SPAG16: variants seen among roughly 807,000 people sequenced by gnomAD.
SPAG16 encodes sperm-associated antigen 16 protein.
A neutral mutation model predicts 80.4 loss-of-function variants in SPAG16; 86 were observed. The observed-to-expected ratio is 1.07, with a 90% CI of 0.90 to 1.28. SPAG16 has a LOEUF of 1.28. SPAG16 is among the 50% of genes most tolerant of loss of function. The pLI, the probability that SPAG16 is intolerant of heterozygous loss-of-function variation, is 0.00. For missense variants in SPAG16, 870 were observed against 765.3 expected (o/e 1.14, Z -1.61); for synonymous variants, 294 against 265.9 (o/e 1.11, Z -1.03).
intron 15 of SPAG16, among the ~76,000 whole-genome samples, chr2:214,318,532 C>A (rs112774153): frequency 6.6e-6 from 1 of 151,910 alleles, no homozygotes; most frequent in African/African-American, 2.4e-5. Context: ...CAGGTGTGCA[C>A]CACCATGCCT....
intron 7 of SPAG16, among the ~76,000 whole-genome samples, chr2:213,353,873 A>G (rs1286275367): frequency 6.6e-6 from 1 of 152,194 alleles, no homozygotes; most frequent in African/African-American, 2.4e-5. Context: ...CCCAATTTAG[A>G]AAATCTTTAT....
intron 10 of SPAG16, among the ~76,000 whole-genome samples, chr2:213,852,135 T>C (rs934572383): frequency 6.6e-5 from 10 of 152,218 alleles, no homozygotes; most frequent in African/African-American, 2.2e-4. Flanking sequence ...TTAATAAATA[T>C]GTTTTAATGA....
intron 12 of SPAG16, among the ~76,000 whole-genome samples, chr2:213,986,389 CTT>C (rs549097294): frequency 1.3e-4 from 20 of 151,918 alleles, no homozygotes; most frequent in African/African-American, 2.4e-4. Context: ...TCAATTCTCT[CTT>C]ATATATTTGT....
At chr2:213,852,882 T>A (rs765930703) in intron 10 of SPAG16, among the ~76,000 whole-genome samples, 1 of 152,306 alleles carries the variant, frequency 6.6e-6, no homozygotes, top group Non-Finnish European at 1.5e-5. Flanking sequence ...AATAAAAAAA[T>A]TCCATGTGAA....
Position 213,862,574 on chromosome 2 carries a change from T to A in SPAG16, c.1160T>A (p.Leu387His). The A allele has an allele frequency of 6.2e-7, 1 of 1,614,182 alleles. No homozygotes were observed. The highest frequency in any genetic ancestry group is 2.2e-5 in the East Asian group (1 of 44,886). ...KVLGLPKCNV[L>H]LTGFGHTDWL... ...TTGGGCCTTCCAAAATGCAATGTGC[T>A]TCTCACGGGATTTGGCCACACTGAC... Residue 387 changes from leucine to histidine, a missense_variant, in exon 11 of 16, where the codon CTT (leucine) becomes CAT (histidine). Physicochemically the swap from Leu to His is moderately conservative, Grantham distance 99. Transcript: ENST00000331683.
intron 15 of SPAG16, among the ~76,000 whole-genome samples, chr2:214,207,301 C>T (rs765852029): frequency 2.6e-5 from 4 of 152,158 alleles, no homozygotes; most frequent in Non-Finnish European, 5.9e-5. Flanking sequence ...GTGGAACTTA[C>T]CAAAGCAGCA....
At chr2:213,668,047 T>C (rs1288649523) in intron 10 of SPAG16, among the ~76,000 whole-genome samples, 2 of 151,966 alleles carry the variant, frequency 1.3e-5, no homozygotes, top group Non-Finnish European at 2.9e-5. Flanking sequence ...TTCGAGCAAT[T>C]CTCCTGCCTC....
rs534503471 is a variant in SPAG16 at position 213,390,191 on chromosome 2, T to C, written c.942+15072T>C. ...GAGGTACTTTGAGTGGTGAAAATTATAAATACAGAAGTAGAATGATGTTTG... is the reference window on the plus strand; with the variant it reads ...GAGGTACTTTGAGTGGTGAAAATTACAAATACAGAAGTAGAATGATGTTTG... On this transcript the variant is annotated intron_variant, in intron 9 of 15. Transcript: ENST00000331683. Among the ~76,000 whole-genome samples, 56 of 152,286 alleles carry C rather than the reference T, an allele frequency of 3.7e-4. 3 individuals are homozygous for C. In the East Asian group the frequency reaches 8.3e-3, roughly 23 times the overall value.
At chr2:213,962,937 G>A (rs898469399) in intron 12 of SPAG16, among the ~76,000 whole-genome samples, 2 of 151,698 alleles carry the variant, frequency 1.3e-5, no homozygotes, top group African/African-American at 4.8e-5. Flanking sequence ...TTTTCCTCTG[G>A]TCAGTGTTAC....
intron 10 of SPAG16, among the ~76,000 whole-genome samples, chr2:213,574,077 G>A (rs969317183): frequency 1.4e-4 from 22 of 152,104 alleles, no homozygotes; most frequent in Non-Finnish European, 2.2e-4. Context: ...ATAACTTTAT[G>A]TTTTGATATG....
intron 10 of SPAG16, among the ~76,000 whole-genome samples, chr2:213,737,699 A>G (rs2067354479): frequency 6.6e-6 from 1 of 152,118 alleles, no homozygotes; most frequent in African/African-American, 2.4e-5. Context: ...CGTGTTAGCC[A>G]GGATGGTCTC....
At chr2:213,686,304 A>C (rs2064667509) in intron 10 of SPAG16, among the ~76,000 whole-genome samples, 1 of 152,150 alleles carries the variant, frequency 6.6e-6, no homozygotes, top group African/African-American at 2.4e-5. Context: ...TTTTTAGTAG[A>C]GACGGGGTTT....
intron 1 of SPAG16, among the ~76,000 whole-genome samples, chr2:213,294,095 A>G (rs1443707030): frequency 6.6e-6 from 1 of 152,056 alleles, no homozygotes; most frequent in African/African-American, 2.4e-5. Context: ...CCTACCCTCT[A>G]TTCATTGGTA....
intron 8 of SPAG16, among the ~76,000 whole-genome samples, chr2:213,369,355 G>C (rs1354708981): frequency 6.6e-6 from 1 of 152,144 alleles, no homozygotes; most frequent in Non-Finnish European, 1.5e-5. Flanking sequence ...CAGAAGAAAA[G>C]TGACTGATTA....
chr2:214,126,021 TCC>T (rs1559822818), intron 14 of SPAG16, among the ~76,000 whole-genome samples: 9 of 8,374 alleles, frequency 1.1e-3, no homozygotes, highest in Admixed American at 5.6e-3. Flanking sequence ...CTTCCTTCCT[TCC>T]TTCCTTCCTT....
intron 15 of SPAG16, among the ~76,000 whole-genome samples, chr2:214,361,611 G>A (rs1699188806): frequency 6.6e-6 from 1 of 151,860 alleles, no homozygotes. Context: ...TATTTTAGTA[G>A]AGATGGTTGG....
At chr2:214,079,512 G>A (rs755179757) in intron 13 of SPAG16, among the ~76,000 whole-genome samples, 5 of 152,108 alleles carry the variant, frequency 3.3e-5, no homozygotes, top group Non-Finnish European at 7.4e-5. Flanking sequence ...TAGAAAGTTT[G>A]GATTCCAGAG....
intron 11 of SPAG16, among the ~76,000 whole-genome samples, chr2:213,922,762 T>G (rs1326263565): frequency 1.3e-5 from 2 of 152,192 alleles, no homozygotes; most frequent in Non-Finnish European, 2.9e-5. Context: ...TGAGTTTGGT[T>G]GACTGGCTTT....
At chr2:214,143,303 G>A (rs1268806756) in intron 14 of SPAG16, among the ~76,000 whole-genome samples, 1 of 141,584 alleles carries the variant, frequency 7.1e-6, no homozygotes, top group Non-Finnish European at 1.5e-5. Flanking sequence ...TTGGAACCCT[G>A]AGTGACACAT....
Sources: gnomAD v4.1 joint callset for allele counts (sites outside exome capture counted in the v4.1 genomes callset) on GRCh38, gnomAD v4.1.1 for gene constraint, MANE v1.5 for transcripts, NCBI Gene and HGNC (gene_info 2026-07-23, HGNC 2026-07-21) for gene names.